Variants in BLTP1 observed in about 807,000 individuals in gnomAD.
The protein encoded by BLTP1 is bridge-like lipid transfer protein family member 1.
At chr4:122,197,233 C>A in the BLTP1 span, 1 of 1,480,572 alleles carries the variant, frequency 6.8e-7, no homozygotes, top group South Asian at 1.5e-5. Context: ...GGAGCTGGCT[C>A]ATATTTAGAA....
chr4:122,246,622 T>G, the BLTP1 span: 1 of 1,565,006 alleles, frequency 6.4e-7, no homozygotes, highest in Non-Finnish European at 8.7e-7. Context: ...TTTTTGTGCA[T>G]ATTTTATGTT....
the BLTP1 span, chr4:122,273,398 C>A: frequency 3.0e-6 from 3 of 984,550 alleles, no homozygotes; most frequent in African/African-American, 5.3e-5. Flanking sequence ...CTGCAAATTG[C>A]TAAGAAAAAT....
At chr4:122,357,845 A>G in the BLTP1 span, among the ~76,000 whole-genome samples, 469 of 152,356 alleles carry the variant, frequency 3.1e-3, 1 homozygote, top group Non-Finnish European at 5.0e-3. Context: ...AGGAAAAAAT[A>G]TAAAATTTGT....
chr4:122,223,066 A>G, the BLTP1 span: 9 of 824,006 alleles, frequency 1.1e-5, no homozygotes, highest in Admixed American at 6.2e-5. Flanking sequence ...CAGTTCCCTC[A>G]GTAAAAAAGG....
the BLTP1 span, chr4:122,184,933 G>C: frequency 2.0e-6 from 2 of 984,274 alleles, no homozygotes; most frequent in Non-Finnish European, 2.4e-6. Context: ...TATTCCTACA[G>C]ATGCCAAATA....
chr4:122,261,170 T>C, the BLTP1 span: 1 of 418,976 alleles, frequency 2.4e-6, no homozygotes, highest in Non-Finnish European at 3.2e-6. Flanking sequence ...CATTCAATGA[T>C]AGTTTGATAT....
At chr4:122,325,818 T>G in the BLTP1 span, 6 of 936,170 alleles carry the variant, frequency 6.4e-6, no homozygotes, top group East Asian at 1.4e-4. Flanking sequence ...TTTCATGAGT[T>G]TTTTTTTTTT....
the BLTP1 span, chr4:122,231,733 G>A: frequency 4.1e-6 from 4 of 976,398 alleles, no homozygotes; most frequent in Non-Finnish European, 4.9e-6. Flanking sequence ...TGGGGTGCAT[G>A]TGTATATTAT....
At chr4:122,232,461 C>T in the BLTP1 span, among the ~76,000 whole-genome samples, 1 of 152,010 alleles carries the variant, frequency 6.6e-6, no homozygotes, top group African/African-American at 2.4e-5. Flanking sequence ...GCAACTCTGT[C>T]CCTGAGTCCT....
chr4:122,247,114 A>G, the BLTP1 span: 21 of 1,568,810 alleles, frequency 1.3e-5, no homozygotes, highest in South Asian at 1.2e-4. Flanking sequence ...TCTGAACTGT[A>G]TTATTTAAAT....
the BLTP1 span, among the ~76,000 whole-genome samples, chr4:122,172,787 T>G: frequency 2.4e-4 from 36 of 152,310 alleles, no homozygotes; most frequent in African/African-American, 7.9e-4. Context: ...TTTTACATAA[T>G]GTTTATTAAC....
At chr4:122,215,316 A>C in the BLTP1 span, 1 of 937,500 alleles carries the variant, frequency 1.1e-6, no homozygotes, top group Non-Finnish European at 1.3e-6. Flanking sequence ...AGGAATCTAA[A>C]TTTTTTTAAG....
the BLTP1 span, chr4:122,234,404 T>G: frequency 6.5e-6 from 1 of 153,836 alleles, no homozygotes. Flanking sequence ...ATACTAATGG[T>G]TTTTTTGGAT....
the BLTP1 span, chr4:122,190,031 G>A: frequency 1.2e-5 from 20 of 1,612,626 alleles, no homozygotes; most frequent in South Asian, 1.8e-4. Context: ...AGGTTTTGTG[G>A]TGATGCAGTC....
chr4:122,349,904 TG>T, the BLTP1 span: 2 of 1,613,788 alleles, frequency 1.2e-6, no homozygotes, highest in Non-Finnish European at 1.7e-6. The surrounding 1 kb of genome is among the most constrained non-coding windows in gnomAD (Gnocchi z 4.5). Flanking sequence ...TTCCAAGTAA[TG>T]ATATCAAGGT....
chr4:122,282,574 G>A, the BLTP1 span, among the ~76,000 whole-genome samples: 7 of 152,110 alleles, frequency 4.6e-5, no homozygotes, highest in African/African-American at 9.7e-5. Flanking sequence ...TCCGGGAGGC[G>A]GAGGTTGCAG....
At chr4:122,267,001 A>G in the BLTP1 span, 1 of 1,021,692 alleles carries the variant, frequency 9.8e-7, no homozygotes, top group South Asian at 1.7e-5. Flanking sequence ...CAAGAATTAT[A>G]ATACGTTTGT....
At chr4:122,325,410 G>T in the BLTP1 span, 440 of 1,430,736 alleles carry the variant, frequency 3.1e-4, 1 homozygote, top group Middle Eastern at 2.6e-3. Context: ...TCAAAATACT[G>T]ATTTCTTACT....
chr4:122,342,280 A>G, the BLTP1 span, among the ~76,000 whole-genome samples: 1 of 152,188 alleles, frequency 6.6e-6, no homozygotes, highest in Non-Finnish European at 1.5e-5. Context: ...ATTGCATGAC[A>G]GAGTCAGGAG....
Sources: allele counts gnomAD v4.1 joint callset (sites outside exome capture counted in the v4.1 genomes callset), GRCh38; gene constraint gnomAD v4.1.1; non-coding constraint Gnocchi (gnomAD v3.1); transcripts MANE v1.5; gene names NCBI Gene and HGNC (gene_info 2026-07-23, HGNC 2026-07-21).